The following GALNT16 variants were observed in gnomAD, a reference collection of about 807,000 sequenced individuals.
GALNT16 encodes polypeptide N-acetylgalactosaminyltransferase 16.
A neutral mutation model predicts 76.1 loss-of-function variants in GALNT16; 40 were observed. That is an observed-to-expected ratio of 0.53 (90% CI 0.41 to 0.68). The LOEUF (loss-of-function observed/expected upper bound fraction) is 0.68. GALNT16 is among the 30% of genes least tolerant of loss of function. The pLI is 0.00. For missense variants in GALNT16, 621 were observed against 731.9 expected, an observed-to-expected ratio of 0.85 and a Z score of 1.75; for synonymous variants, 276 against 285.2, an observed-to-expected ratio of 0.97 and a Z score of 0.32.
chr14:69,299,419 G>A lies in GALNT16; in HGVS notation c.178-21292G>A, dbSNP rs539965003. Among the ~76,000 whole-genome samples, 221 of 152,216 alleles carry A rather than the reference G, an allele frequency of 1.5e-3. 2 individuals carry two copies. Among genetic ancestry groups the A allele is most frequent in the Middle Eastern group, 3.4e-3 (1 of 294 alleles). On this transcript the variant is annotated intron_variant, in intron 1 of 14. Transcript: ENST00000448469. ...TGGCAGTACTTTGGAATGAATACTC[G>A]CAAGGCACACAGGATGGTGCAAAGG...
intron 1 of GALNT16, among the ~76,000 whole-genome samples, chr14:69,288,173 CAGGGGG>C (rs1322251406): frequency 1.3e-5 from 2 of 152,158 alleles, no homozygotes; most frequent in African/African-American, 4.8e-5. Flanking sequence ...GCCTAATTTA[CAGGGGG>C]AGGAAATGAA....
Position 69,280,457 on chromosome 14 carries a change from C to T in GALNT16, c.177+19990C>T, listed in dbSNP as rs1189652613. On this transcript the variant is annotated intron_variant, in intron 1 of 14. Transcript: ENST00000448469. ...TCCATTCATCCATCAGTGAACCTCC[C>T]GGGCTGCTTCGACATTTTGGCTAAT... Among the ~76,000 whole-genome samples, 5 of 152,142 alleles carry T rather than the reference C, an allele frequency of 3.3e-5. No individual in the cohort carries two copies. In the East Asian group the frequency reaches 5.8e-4, roughly 18 times the overall value.
At chr14:69,375,702 T>C in the GALNT16 span, among the ~76,000 whole-genome samples, 1 of 152,230 alleles carries the variant, frequency 6.6e-6, no homozygotes, top group East Asian at 1.9e-4. Flanking sequence ...AGTGCAATCA[T>C]AGCTCACTGA....
At chr14:69,267,344 G>A (rs1368723788) in intron 1 of GALNT16, among the ~76,000 whole-genome samples, 1 of 152,208 alleles carries the variant, frequency 6.6e-6, no homozygotes, top group Non-Finnish European at 1.5e-5. Context: ...GAAGAAGCTT[G>A]TCGATCATAT....
chr14:69,273,848 A>G (rs77656392), intron 1 of GALNT16, among the ~76,000 whole-genome samples: 2,335 of 152,328 alleles, frequency 0.015, 31 homozygotes, highest in Non-Finnish European at 0.024. Context: ...AAGAGTAGGA[A>G]TCTGCAGGGT....
Position 69,325,502 on chromosome 14 carries a change from G to A in GALNT16, c.502+98G>A, listed in dbSNP as rs532530493. 419 of 790,194 alleles carry A rather than the reference G, an allele frequency of 5.3e-4. 7 individuals carry two copies. Among genetic ancestry groups the A allele is most frequent in the South Asian group, 5.1e-3 (372 of 73,342 alleles). 48.9% of individuals were successfully genotyped at this position (790,194 alleles called of 1,614,324 possible). A position where few individuals can be genotyped will look rare whatever the true frequency, so the allele number is the denominator to read the frequency against. On this transcript the variant is annotated intron_variant, in intron 4 of 14. Transcript: ENST00000448469. ...GCACCCTGAGGTTGTCCTGACCATC[G>A]CAGACACCTTTCTGCCCCCAGCAGG...
intron 1 of GALNT16, among the ~76,000 whole-genome samples, chr14:69,272,129 G>C (rs965213592): frequency 1.3e-5 from 2 of 152,106 alleles, no homozygotes; most frequent in Non-Finnish European, 2.9e-5. Flanking sequence ...GGGAGGCTGA[G>C]GAGGGGAGAT....
rs985302077 is a variant in GALNT16, at chr14:69,353,625, G to A, written c.*1457G>A. ...GAGCCCCCTGTCTTTCATAGGCCAA[G>A]GATCCACATACCCATAGAGTTCATG... is the stretch of plus-strand genomic sequence containing the variant. On this transcript the variant is annotated 3_prime_UTR_variant, in exon 15 of 15. Transcript: ENST00000448469. 6.6e-6 allele frequency: 1 copy of A among 152,212 alleles called. No individual in the cohort carries two copies. The highest frequency in any genetic ancestry group is 2.4e-5 in the African/African-American group (1 of 41,408). 9.4% of individuals were successfully genotyped at this position (152,212 alleles called of 1,614,324 possible).
intron 12 of GALNT16, 79 bp downstream of exon 12, chr14:69,341,843 C>A (rs1023876868): frequency 2.4e-6 from 2 of 832,350 alleles, no homozygotes; most frequent in Middle Eastern, 2.2e-4. Flanking sequence ...CCCACCCCAC[C>A]CTTAGATCTC....
At chr14:69,360,425 C>T (rs777689589), downstream of GALNT16, among the ~76,000 whole-genome samples, 2 of 151,050 alleles carry the variant, frequency 1.3e-5, no homozygotes, top group Non-Finnish European at 2.9e-5. Flanking sequence ...GCCAGGAGTT[C>T]GAGACCAGCC....
At chr14:69,361,564 G>A (rs1363204765), downstream of GALNT16, among the ~76,000 whole-genome samples, 2 of 152,192 alleles carry the variant, frequency 1.3e-5, no homozygotes, top group South Asian at 2.1e-4. Context: ...CTGAGGCCCT[G>A]TGCAAAGCTC....
chr14:69,273,461 A>G (rs971725134), intron 1 of GALNT16, among the ~76,000 whole-genome samples: 2 of 152,202 alleles, frequency 1.3e-5, no homozygotes, highest in Non-Finnish European at 2.9e-5. Context: ...GAAAGAGGCT[A>G]TGATCGATTA....
rs141468889 is a variant in GALNT16, at chr14:69,325,986, G to C, written c.527G>C (p.Arg176Thr). The change falls in exon 5 of 15, where the codon AGG (arginine) becomes ACG (threonine). Residue 176 changes from arginine (R) to threonine (T), a missense_variant. Physicochemically the swap from Arg to Thr is moderately conservative, Grantham distance 71. Coordinates refer to ENST00000448469, the MANE Select transcript of GALNT16 (RefSeq NM_001168368.2). ...GCGGAAGACTGTCTACTCCTGACCA[G>C]GATCCCCAAGGTCAAGTGCCTGCGC... ...SDPEDCLLLTRIPKVKCLRND... is the reference protein window; with the variant it reads ...SDPEDCLLLTTIPKVKCLRND... The C allele has an allele frequency of 2.3e-5, 37 of 1,613,932 alleles. No homozygotes were observed. The highest frequency in any genetic ancestry group is 2.4e-5 in the Non-Finnish European group (28 of 1,179,948).
chr14:69,273,907 T>C (rs900114435), intron 1 of GALNT16, among the ~76,000 whole-genome samples: 2 of 152,226 alleles, frequency 1.3e-5, no homozygotes, highest in Non-Finnish European at 2.9e-5. Flanking sequence ...TCCTCTTCTT[T>C]GCTTAAAAAC....
rs1264447919 is a variant in GALNT16 at position 69,261,910 on chromosome 14, C to T, written c.177+1443C>T. On this transcript the variant is annotated intron_variant, in intron 1 of 14. Coordinates refer to ENST00000448469, the MANE Select transcript of GALNT16 (RefSeq NM_001168368.2). The surrounding 1 kb of genome is among the most constrained non-coding windows in gnomAD (Gnocchi z 6.4). ...TCCCTTCTGGGCTGTTCTCCCAGGA[C>T]ACTGTTTCCAAAGCACTTGTCGCCC... 2.0e-5 allele frequency among the ~76,000 whole-genome samples: 3 copies of T among 152,190 alleles called. No individual in the cohort carries two copies. Among genetic ancestry groups the T allele is most frequent in the Non-Finnish European group, 2.9e-5 (2 of 68,038 alleles).
At chr14:69,324,399 A>G (rs1460172763) in intron 2 of GALNT16, among the ~76,000 whole-genome samples, 1 of 151,992 alleles carries the variant, frequency 6.6e-6, no homozygotes, top group Non-Finnish European at 1.5e-5. Context: ...ATCTGTATAT[A>G]CTAGGGAGCC....
intron 1 of GALNT16, among the ~76,000 whole-genome samples, chr14:69,287,160 C>T (rs2044624424): frequency 6.6e-6 from 1 of 152,234 alleles, no homozygotes; most frequent in South Asian, 2.1e-4. Context: ...TGTGCAATTA[C>T]AACTCTGCAT....
chr14:69,283,020 A>G (rs1187750515), intron 1 of GALNT16, among the ~76,000 whole-genome samples: 1 of 152,076 alleles, frequency 6.6e-6, no homozygotes, highest in Non-Finnish European at 1.5e-5. Context: ...TTCCACTAGC[A>G]TTACAGCTCA....
intron 1 of GALNT16, among the ~76,000 whole-genome samples, chr14:69,268,244 AGC>A (rs2044364599): frequency 6.6e-6 from 1 of 152,242 alleles, no homozygotes; most frequent in African/African-American, 2.4e-5. Flanking sequence ...GAGCATAAAT[AGC>A]CACAACACCC....
Sources: gnomAD v4.1 joint callset for allele counts (sites outside exome capture counted in the v4.1 genomes callset) on GRCh38, gnomAD v4.1.1 for gene constraint, Gnocchi (gnomAD v3.1) non-coding constraint, MANE v1.5 for transcripts, NCBI Gene and HGNC (gene_info 2026-07-23, HGNC 2026-07-21) for gene names.